The following LGI3 variants were observed in gnomAD, a reference collection of about 807,000 sequenced individuals.
LGI3 encodes leucine-rich repeat LGI family member 3.
Under a neutral mutation model 55.4 loss-of-function variants are expected in LGI3, and 47 were observed. The observed-to-expected ratio is 0.85, with a 90% CI of 0.67 to 1.08. The LOEUF is 1.08. Among genes scored for constraint, LGI3 ranks in the 50% least tolerant of loss-of-function variants. The probability of loss-of-function intolerance (pLI) is 0.00; values close to 1 mark genes in which losing one functional copy is unlikely to be tolerated. For synonymous variants in LGI3, 326 were observed against 315.0 expected (o/e 1.04, Z -0.37); for missense variants, 664 against 726.3 (o/e 0.91, Z 0.99).
At position 22,156,522 on chromosome 8, in the gene LGI3, C is replaced by T. The variant is rs1366883944; in HGVS notation, c.21G>A (p.Arg7=). The T allele has an allele frequency of 5.1e-6, 7 of 1,359,678 alleles. No homozygotes were observed. Among genetic ancestry groups the T allele is most frequent in the Admixed American group, 7.0e-5 (2 of 28,590 alleles). The allele number at this position is 1,359,678 out of a possible 1,614,324, so 84.2% of individuals were successfully genotyped here. MAGLRA[R]GGPGPGLLAL... The stretch of plus-strand genomic sequence containing the variant: ...CCAGCAGCCCCGGCCCCGGGCCCCC[C>T]CTGGCCCGCAGCCCCGCCATGCTGC... The change falls in exon 1 of 8, where the codon AGG becomes AGA. Residue 7 remains arginine, a synonymous_variant. Coordinates refer to ENST00000306317, the MANE Select transcript of LGI3 (RefSeq NM_139278.4).
In LGI3 at chr8:22,156,495, C is replaced by T. The variant is rs1481549526; in HGVS notation, c.48G>A (p.Ala16=). 2 of 1,412,112 alleles carry T rather than the reference C, an allele frequency of 1.4e-6. No homozygotes were observed. Among genetic ancestry groups the T allele is most frequent in the Non-Finnish European group, 1.8e-6 (2 of 1,083,394 alleles). 87.5% of individuals were successfully genotyped at this position (1,412,112 alleles called of 1,614,324 possible). A position where few individuals can be genotyped will look rare whatever the true frequency, so the allele number is the denominator to read the frequency against. The part of the protein sequence containing the change: ...ARGGPGPGLL[A]LSALGFCLML... ...TGAGGCAGAAGCCGAGCGCGGAGAG[C>T]GCCAGCAGCCCCGGCCCCGGGCCCC... is the stretch of plus-strand genomic sequence containing the variant. Residue 16 remains alanine, a synonymous_variant, in exon 1 of 8, where the codon GCG becomes GCA. Coordinates refer to ENST00000306317, the MANE Select transcript of LGI3 (RefSeq NM_139278.4).
intron 3 of LGI3, 96 bp downstream of exon 3, chr8:22,154,464 G>A (rs747126230): frequency 2.7e-5 from 29 of 1,083,660 alleles, no homozygotes; most frequent in South Asian, 6.3e-5. Flanking sequence ...CCCTTCCTGC[G>A]GCATTCTCAT....
chr8:22,148,146 G>A lies in LGI3; in HGVS notation c.*14C>T, dbSNP rs377425899. ...CAGTGGCCACCCTGAGGAGACCAGA[G>A]GCCTCGGCACCCCCTAGGCACTGAG... On this transcript the variant is annotated 3_prime_UTR_variant, in exon 8 of 8. Coordinates refer to ENST00000306317, the MANE Select transcript of LGI3 (RefSeq NM_139278.4). This position sits in a 1 kb window ranked among gnomAD's most constrained non-coding sequence, Gnocchi z 7.0. 5 of 1,566,102 alleles carry A rather than the reference G, an allele frequency of 3.2e-6. No homozygotes were observed. Among genetic ancestry groups the A allele is most frequent in the Non-Finnish European group, 8.6e-7 (1 of 1,156,616 alleles).
chr8:22,154,278 C>T, intron 3 of LGI3, 65 bp from the exon 4 acceptor site: 3 of 1,319,710 alleles, frequency 2.3e-6, no homozygotes, highest in Non-Finnish European at 3.3e-6. Flanking sequence ...AGCACTCGCC[C>T]TACGCCCCAG....
chr8:22,154,871 T>C, intron 2 of LGI3: 1 of 540,578 alleles, frequency 1.8e-6, no homozygotes, highest in Non-Finnish European at 3.3e-6. Context: ...AGCTCTCTTG[T>C]CAAGCCAGCT....
intron 1 of LGI3, 152 bp downstream of exon 1, chr8:22,156,185 T>A: frequency 1.3e-6 from 1 of 770,030 alleles, no homozygotes; most frequent in Non-Finnish European, 2.1e-6. Context: ...CCTGCCCGAC[T>A]GGTGCCTGGA....
At position 22,151,538 on chromosome 8, in the gene LGI3, C is replaced by G; in HGVS notation, c.780G>C (p.Leu260=). 1 of 1,614,164 alleles carries G rather than the reference C, an allele frequency of 6.2e-7. No homozygotes were observed. The highest frequency in any genetic ancestry group is 8.5e-7 in the Non-Finnish European group (1 of 1,180,032). ...AQPGVSACTI[L]KWDYVERQLR... The stretch of plus-strand genomic sequence containing the variant: ...GCTGCCGCTCAACATAGTCCCACTT[C>G]AGGATGGTGCAGGCACTGACTCCTG... The change falls in exon 7 of 8, where the codon CTG becomes CTC. Residue 260 remains leucine, a synonymous_variant. Coordinates refer to ENST00000306317, the MANE Select transcript of LGI3 (RefSeq NM_139278.4).
intron 1 of LGI3, 86 bp from the exon 2 acceptor site, chr8:22,155,549 T>G (rs1827479073): frequency 3.7e-6 from 4 of 1,077,600 alleles, no homozygotes; most frequent in Non-Finnish European, 1.4e-6. Context: ...CAGTAGCTTT[T>G]GTACTCACTT....
rs762098931 is a variant in LGI3, at chr8:22,151,630, C to A, written c.688G>T (p.Ala230Ser). 5.6e-6 allele frequency: 9 copies of A among 1,614,010 alleles called. No individual in the cohort carries two copies. The highest frequency in any genetic ancestry group is 7.6e-6 in the Non-Finnish European group (9 of 1,179,982). Residue 230 changes from alanine (A) to serine (S), a missense_variant, in exon 7 of 8, where the codon GCC becomes TCC. Physicochemically the swap from Ala to Ser is moderately conservative, Grantham distance 99 (BLOSUM62 1). Transcript: ENST00000306317. Reference protein sequence around the residue: ...TTDFVLYQTLAFPAVSAEPFL... With the variant: ...TTDFVLYQTLSFPAVSAEPFL... ...GGCTCAGCCGACACTGCTGGGAAGG[C>A]CAGGGTCTGGTACAACACAAAATCT...
In LGI3 at chr8:22,148,233, T is replaced by A; in HGVS notation, c.1574A>T (p.Gln525Leu). ...CTTGAAGCTGGGGGCCAGGAGTAGC[T>A]GGGCGTCCCCAGCAGGCATGTAGCA... ...AFCYMPAGDA[Q>L]LLLAPSFKGQ... The change falls in exon 8 of 8, where the codon CAG becomes CTG. Residue 525 changes from glutamine (Q) to leucine (L), a missense_variant. Transcript: ENST00000306317. This position sits in a 1 kb window ranked among gnomAD's most constrained non-coding sequence, Gnocchi z 7.0. 1 of 1,613,990 alleles carries A rather than the reference T, an allele frequency of 6.2e-7. No homozygotes were observed. Among genetic ancestry groups the A allele is most frequent in the Non-Finnish European group, 8.5e-7 (1 of 1,179,972 alleles).
intron 1 of LGI3, among the ~76,000 whole-genome samples, chr8:22,156,069 C>T (rs1041590907): frequency 1.3e-5 from 2 of 152,242 alleles, no homozygotes; most frequent in Admixed American, 6.5e-5. Flanking sequence ...TGGAGCACAG[C>T]ACACAGTAGG....
intron 2 of LGI3, 118 bp downstream of exon 2, chr8:22,155,274 A>T: frequency 1.1e-6 from 1 of 907,018 alleles, no homozygotes; most frequent in East Asian, 2.4e-5. Flanking sequence ...AGCAAGGGAC[A>T]CCTGCATCTT....
In LGI3 at chr8:22,151,816, A is replaced by C; in HGVS notation, c.664+15T>G. ...GTAGGCGTGGACTGACACCCAAGGC[A>C]GGGGCACCTCCTACCTGTGGTGATG... is the stretch of plus-strand genomic sequence containing the variant. On this transcript the variant is annotated intron_variant, in intron 6 of 7. Coordinates refer to ENST00000306317, the MANE Select transcript of LGI3 (RefSeq NM_139278.4). 1 of 1,594,866 alleles carries C rather than the reference A, an allele frequency of 6.3e-7. No individual in the cohort carries two copies. Among genetic ancestry groups the C allele is most frequent in the Non-Finnish European group, 8.6e-7 (1 of 1,167,768 alleles).
chr8:22,148,719 C>A lies in LGI3; in HGVS notation c.1088G>T (p.Gly363Val). The A allele has an allele frequency of 6.2e-7, 1 of 1,614,160 alleles. No individual in the cohort carries two copies. The highest frequency in any genetic ancestry group is 8.5e-7 in the Non-Finnish European group (1 of 1,180,032). Residue 363 changes from glycine to valine, a missense_variant, in exon 8 of 8, where the codon GGC becomes GTC. Transcript: ENST00000306317. The surrounding 1 kb of genome is among the most constrained non-coding windows in gnomAD (Gnocchi z 7.0). ...ATSLYRWHQN[G>V]FYSHQALHPW... Reference sequence around the variant, plus strand: ...GTGCAGTGCCTGGTGGGAGTAGAAGCCATTCTGGTGCCAGCGGTAGAGGCT... The same window carrying A: ...GTGCAGTGCCTGGTGGGAGTAGAAGACATTCTGGTGCCAGCGGTAGAGGCT...
At chr8:22,155,230 G>A (rs1388647206) in intron 2 of LGI3, 162 bp downstream of exon 2, 8 of 693,120 alleles carry the variant, frequency 1.2e-5, no homozygotes, top group Non-Finnish European at 1.8e-5. Flanking sequence ...ACTCAAGGCT[G>A]CCCCGTCTTT....
Position 22,148,273 on chromosome 8 carries a change from C to T in LGI3, c.1534G>A (p.Ala512Thr). ...GGCATGTAGCAGAAGGCCCGAGGAG[C>T]CTGCACAGCCAGCTCCTGGAACCGT... ...FVRFQELAVQ[A>T]PRAFCYMPAG... Residue 512 changes from alanine (A) to threonine (T), a missense_variant, in exon 8 of 8, where the codon GCT (alanine) becomes ACT (threonine). Physicochemically the swap from Ala to Thr is moderately conservative, Grantham distance 58. Coordinates refer to ENST00000306317, the MANE Select transcript of LGI3 (RefSeq NM_139278.4). The surrounding 1 kb of genome is among the most constrained non-coding windows in gnomAD (Gnocchi z 7.0). 1.9e-6 allele frequency: 3 copies of T among 1,614,154 alleles called. No individual in the cohort carries two copies. The highest frequency in any genetic ancestry group is 2.5e-6 in the Non-Finnish European group (3 of 1,180,000).
At chr8:22,154,987 T>C (rs1055413597) in intron 2 of LGI3, 1 of 411,044 alleles carries the variant, frequency 2.4e-6, no homozygotes, top group Non-Finnish European at 4.5e-6. Flanking sequence ...TCTTGTAGGG[T>C]TGGAGACACT....
chr8:22,156,474 G>T lies in LGI3; in HGVS notation c.69C>A (p.Cys23Ter). 2 of 1,461,628 alleles carry T rather than the reference G, an allele frequency of 1.4e-6. No homozygotes were observed. The highest frequency in any genetic ancestry group is 1.4e-5 in the South Asian group (1 of 70,944). The allele number at this position is 1,461,628 out of a possible 1,614,324, so 90.5% of individuals were successfully genotyped here. Residue 23 changes from cysteine to a stop codon, truncating the protein, a stop_gained, in exon 1 of 8, where the codon TGC (cysteine) becomes TGA (stop). Transcript: ENST00000306317. LOFTEE classifies it high-confidence loss of function. ...TCTTAGCGCTGACTTGCAGCATGAGGCAGAAGCCGAGCGCGGAGAGCGCCA... is the reference window on the plus strand; with the variant it reads ...TCTTAGCGCTGACTTGCAGCATGAGTCAGAAGCCGAGCGCGGAGAGCGCCA... ...GLLALSALGF[C>*]LMLQVSAKRP...
In LGI3 at chr8:22,148,534, C is replaced by A; in HGVS notation, c.1273G>T (p.Ala425Ser). The change falls in exon 8 of 8, where the codon GCT (alanine) becomes TCT (serine). Residue 425 changes from alanine to serine, a missense_variant. Physicochemically the swap from Ala to Ser is moderately conservative, Grantham distance 99. Coordinates refer to ENST00000306317, the MANE Select transcript of LGI3 (RefSeq NM_139278.4). This position sits in a 1 kb window ranked among gnomAD's most constrained non-coding sequence, Gnocchi z 7.0. ...CGGCCGGCACGAAAGTGTTTCACAG[C>A]TTGGGCATCAGGCACCTGGGTCACC... ...GEVTQVPDAQ[A>S]VKHFRAGRDS... The A allele has an allele frequency of 6.2e-7, 1 of 1,613,824 alleles. No individual in the cohort carries two copies. Among genetic ancestry groups the A allele is most frequent in the Non-Finnish European group, 8.5e-7 (1 of 1,180,008 alleles).
Sources: gnomAD v4.1 joint callset for allele counts (sites outside exome capture counted in the v4.1 genomes callset) on GRCh38, gnomAD v4.1.1 for gene constraint, Gnocchi (gnomAD v3.1) non-coding constraint, MANE v1.5 for transcripts, NCBI Gene and HGNC (gene_info 2026-07-23, HGNC 2026-07-21) for gene names.